SLC35A5: variants seen among roughly 807,000 people sequenced by gnomAD.
SLC35A5 encodes the protein solute carrier family 35 member A5.
SLC35A5 carries 28 observed loss-of-function variants against 36.3 expected under a neutral mutation model. That is an observed-to-expected ratio of 0.77 (90% CI 0.57 to 1.06). The LOEUF (loss-of-function observed/expected upper bound fraction) is 1.06, where lower values mean the gene tolerates loss of function less well. Ranked by LOEUF, SLC35A5 falls within the 50% of genes least tolerant of loss-of-function variation. The probability of loss-of-function intolerance (pLI) is 0.00; values close to 1 mark genes in which losing one functional copy is unlikely to be tolerated. For missense variants in SLC35A5, 521 were observed against 499.3 expected (o/e 1.04, Z -0.41); for synonymous variants, 180 against 173.7 (o/e 1.04, Z -0.29).
At chr3:112,573,376 A>G (rs747509030) in intron 4 of SLC35A5, among the ~76,000 whole-genome samples, 2 of 152,214 alleles carry the variant, frequency 1.3e-5, no homozygotes, top group African/African-American at 2.4e-5. Context: ...AACAACTTGA[A>G]TCAGTGCGCA....
At chr3:112,575,858 CA>C (rs953197819) in intron 5 of SLC35A5, among the ~76,000 whole-genome samples, 1 of 148,320 alleles carries the variant, frequency 6.7e-6, no homozygotes, top group African/African-American at 2.5e-5. Context: ...TTCCCGTCTT[CA>C]AGCAATTCTT....
chr3:112,563,863 A>G (rs1559854354), intron 2 of SLC35A5, among the ~76,000 whole-genome samples: 1 of 151,960 alleles, frequency 6.6e-6, no homozygotes, highest in African/African-American at 2.4e-5. Flanking sequence ...AGAAGGATAT[A>G]TTTGTTTGGT....
Position 112,584,713 on chromosome 3 carries a change from GTT to G in SLC35A5, c.*1980_*1981del, listed in dbSNP as rs1559867638. On this transcript the variant is annotated 3_prime_UTR_variant, in exon 7 of 7. Transcript: ENST00000492406. ...GTACCTACCCAAAGGAAAATAAATCGTTTTATCAAAAAGACACTTGCAGTGGT... is the reference window on the plus strand; with the variant it reads ...GTACCTACCCAAAGGAAAATAAATCGTTATCAAAAAGACACTTGCAGTGGT... 4 of 152,186 alleles carry G rather than the reference GTT, an allele frequency of 2.6e-5. No individual in the cohort carries two copies. In the South Asian group the frequency reaches 6.2e-4, roughly 24 times the overall value. The allele number at this position is 152,186 out of a possible 1,614,324, so 9.4% of individuals were successfully genotyped here.
intron 3 of SLC35A5, among the ~76,000 whole-genome samples, chr3:112,569,872 G>A (rs1050113638): frequency 1.3e-5 from 2 of 152,178 alleles, no homozygotes; most frequent in Non-Finnish European, 2.9e-5. Flanking sequence ...CTTCACACAT[G>A]AGGTAAACGT....
chr3:112,575,718 A>G (rs1934638204), intron 5 of SLC35A5, among the ~76,000 whole-genome samples: 1 of 150,890 alleles, frequency 6.6e-6, no homozygotes, highest in Non-Finnish European at 1.5e-5. Flanking sequence ...TAATAATCTA[A>G]TATTGTCTTT....
In SLC35A5 at chr3:112,581,062, C is replaced by T; in HGVS notation, c.945C>T (p.Phe315=). 4 of 1,614,068 alleles carry T rather than the reference C, an allele frequency of 2.5e-6. No homozygotes were observed. Among genetic ancestry groups the T allele is most frequent in the Non-Finnish European group, 3.4e-6 (4 of 1,179,952 alleles). ...FSVALIFVTA[F]QGLSVAFILK... ...TAGCCCTTATTTTTGTAACTGCATT[C>T]CAGGGCCTTTCAGTGGCTTTCATTC... Residue 315 remains phenylalanine (F), a synonymous_variant, in exon 6 of 7, where the codon TTC becomes TTT. Coordinates refer to ENST00000492406, the MANE Select transcript of SLC35A5 (RefSeq NM_017945.5).
upstream of SLC35A5, chr3:112,561,875 G>A (rs902584782): frequency 3.5e-6 from 1 of 286,010 alleles, no homozygotes; most frequent in Non-Finnish European, 6.6e-6. Context: ...GTCTGTCCTC[G>A]CTTTGCTTCA....
intron 4 of SLC35A5, among the ~76,000 whole-genome samples, chr3:112,572,633 T>A (rs569046393): frequency 3.3e-5 from 5 of 152,366 alleles, no homozygotes; most frequent in Admixed American, 1.3e-4. Context: ...TCCTTCCTGA[T>A]TGTGAACAAC....
intron 5 of SLC35A5, among the ~76,000 whole-genome samples, chr3:112,575,737 T>A (rs1263073134): frequency 1.3e-5 from 2 of 151,446 alleles, no homozygotes; most frequent in Non-Finnish European, 2.9e-5. Context: ...TTTATGAGAA[T>A]GCCTTTTAAG....
intron 2 of SLC35A5, among the ~76,000 whole-genome samples, chr3:112,568,515 G>T (rs752843999): frequency 3.9e-5 from 6 of 152,202 alleles, no homozygotes; most frequent in Non-Finnish European, 8.8e-5. Context: ...TGCAGTTTAG[G>T]ATGTAGCTTT....
At chr3:112,578,469 A>G (rs1302731866) in intron 5 of SLC35A5, among the ~76,000 whole-genome samples, 2 of 152,160 alleles carry the variant, frequency 1.3e-5, no homozygotes, top group East Asian at 3.9e-4. Flanking sequence ...ATCCATTACT[A>G]TGTTTTACCG....
At chr3:112,577,812 C>G (rs1934736853) in intron 5 of SLC35A5, among the ~76,000 whole-genome samples, 1 of 152,188 alleles carries the variant, frequency 6.6e-6, no homozygotes. Flanking sequence ...CAGAATCATT[C>G]ATTCAGTTGA....
At chr3:112,580,504 G>T in intron 5 of SLC35A5, 42 bp from the exon 6 acceptor site, 1 of 1,538,772 alleles carries the variant, frequency 6.5e-7, no homozygotes, top group South Asian at 1.3e-5. Context: ...ATTGATATGG[G>T]GGGAAAACAG....
chr3:112,572,817 A>G (rs2107432635), intron 4 of SLC35A5, among the ~76,000 whole-genome samples: 1 of 152,338 alleles, frequency 6.6e-6, no homozygotes, highest in South Asian at 2.1e-4. Context: ...TCAAGCCGTC[A>G]GGCTGCATGG....
In SLC35A5 at chr3:112,579,368, C is replaced by G. The variant is rs537641885; in HGVS notation, c.429-1178C>G. ...AAAAATTCTCACTTCTGGTTCCCACCTATTGCTTTACACTTCTGCATTTTT... is the reference window on the plus strand; with the variant it reads ...AAAAATTCTCACTTCTGGTTCCCACGTATTGCTTTACACTTCTGCATTTTT... On this transcript the variant is annotated intron_variant, in intron 5 of 6. Transcript: ENST00000492406. 2.6e-5 allele frequency among the ~76,000 whole-genome samples: 4 copies of G among 151,994 alleles called. No homozygotes were observed. In the South Asian group the frequency reaches 8.3e-4, roughly 32 times the overall value.
intron 4 of SLC35A5, among the ~76,000 whole-genome samples, chr3:112,571,676 C>T (rs1934443803): frequency 6.6e-6 from 1 of 152,170 alleles, no homozygotes; most frequent in African/African-American, 2.4e-5. Context: ...GGAGCAAAGT[C>T]ATGTCTTACA....
At chr3:112,572,536 C>CT (rs1934493450) in intron 4 of SLC35A5, among the ~76,000 whole-genome samples, 1 of 152,176 alleles carries the variant, frequency 6.6e-6, no homozygotes, top group African/African-American at 2.4e-5. Context: ...CAGATTCACT[C>CT]TAAATTTGTG....
At chr3:112,581,569 T>C (rs889901405) in intron 6 of SLC35A5, among the ~76,000 whole-genome samples, 1 of 152,190 alleles carries the variant, frequency 6.6e-6, no homozygotes, top group Non-Finnish European at 1.5e-5. Context: ...CTTCATAGAA[T>C]ACTATAGAAT....
chr3:112,578,104 T>C (rs1934747874), intron 5 of SLC35A5, among the ~76,000 whole-genome samples: 3 of 152,220 alleles, frequency 2.0e-5, no homozygotes, highest in Non-Finnish European at 2.9e-5. Flanking sequence ...ACTTAGAATA[T>C]GTAAATATAC....
Sources: allele counts gnomAD v4.1 joint callset (sites outside exome capture counted in the v4.1 genomes callset), GRCh38; gene constraint gnomAD v4.1.1; transcripts MANE v1.5; gene names NCBI Gene and HGNC (gene_info 2026-07-23, HGNC 2026-07-21).